The following AFDN variants were observed in gnomAD, a reference collection of about 807,000 sequenced individuals.
AFDN encodes the protein afadin.
Under a neutral mutation model 216.6 loss-of-function variants are expected in AFDN, and 68 were observed. The ratio of observed to expected loss-of-function variants is 0.31; its 90% confidence interval spans 0.26 to 0.38. The LOEUF is 0.38. Ranked by LOEUF, AFDN falls within the 10% of genes least tolerant of loss-of-function variation. AFDN has a pLI of 1.00. For synonymous variants in AFDN, 868 were observed against 853.7 expected (o/e 1.02, Z -0.29); for missense variants, 2,136 against 2,342.0 (o/e 0.91, Z 1.82).
upstream of AFDN, chr6:167,826,670 G>A (rs1339808867): frequency 4.2e-6 from 2 of 470,644 alleles, no homozygotes; most frequent in African/African-American, 3.9e-5. Context: ...ACCGCTGGTC[G>A]GGAAGGAACC....
intron 1 of AFDN, among the ~76,000 whole-genome samples, chr6:167,860,303 A>G (rs958029063): frequency 1.3e-5 from 2 of 151,400 alleles, no homozygotes; most frequent in Admixed American, 1.3e-4. Context: ...GCTTTCCAGC[A>G]TTCTTATCAA....
rs1355329135 is a variant in AFDN at position 167,965,364 on chromosome 6, C to T, written c.4969-393C>T. On this transcript the variant is annotated intron_variant, in intron 31 of 33. Transcript: ENST00000683244. ...TTTAGTTTTGCATTATCTTTAAACACAGCAGTAACAGGTAAGTTAATATCC... is the reference window on the plus strand; with the variant it reads ...TTTAGTTTTGCATTATCTTTAAACATAGCAGTAACAGGTAAGTTAATATCC... Among the ~76,000 whole-genome samples, 33 of 152,086 alleles carry T rather than the reference C, an allele frequency of 2.2e-4. 1 individual carries two copies.
chr6:167,836,370 C>T (rs1780434799), intron 1 of AFDN, among the ~76,000 whole-genome samples: 1 of 152,218 alleles, frequency 6.6e-6, no homozygotes, highest in South Asian at 2.1e-4. Flanking sequence ...GTTAGCCAAC[C>T]ATCGGCTGTG....
At chr6:167,866,070 T>G (rs112777056) in intron 2 of AFDN, among the ~76,000 whole-genome samples, 8,493 of 152,294 alleles carry the variant, frequency 0.056, 791 homozygotes, top group African/African-American at 0.19. Context: ...CCTTAGAATT[T>G]TTGTAAATAG....
intron 30 of AFDN, among the ~76,000 whole-genome samples, chr6:167,952,711 C>T (rs904955653): frequency 2.0e-5 from 3 of 152,090 alleles, no homozygotes; most frequent in African/African-American, 7.2e-5. Flanking sequence ...ACTGTCTGGC[C>T]CCTGGTCTTG....
intron 21 of AFDN, 99 bp downstream of exon 21, chr6:167,919,032 T>C: frequency 4.2e-6 from 4 of 959,788 alleles, no homozygotes; most frequent in Non-Finnish European, 4.8e-6. Flanking sequence ...TGTGTGGGAG[T>C]GCACCCTCGT....
At chr6:167,937,365 A>C (rs1197541712) in intron 23 of AFDN, among the ~76,000 whole-genome samples, 1 of 152,156 alleles carries the variant, frequency 6.6e-6, no homozygotes, top group Non-Finnish European at 1.5e-5. Context: ...TAGACCTTTT[A>C]GATTTTAATG....
In AFDN at chr6:167,911,394, A is replaced by G. The variant is rs758158796; in HGVS notation, c.1942A>G (p.Asn648Asp). The change falls in exon 15 of 34, where the codon AAC becomes GAC. Residue 648 changes from asparagine (N) to aspartate (D), a missense_variant. This residue lies in a region of AFDN where 817 missense variants were observed against 965.7 expected (regional missense o/e 0.85). Transcript: ENST00000683244. ...LYMACRYVLS[N>D]QYRPDISPTE... Reference sequence around the variant, plus strand: ...TATGGCATGCCGGTATGTATTGTCCAACCAGTACAGACCTGACATCAGCCC... The same window carrying G: ...TATGGCATGCCGGTATGTATTGTCCGACCAGTACAGACCTGACATCAGCCC... 10 of 1,613,970 alleles carry G rather than the reference A, an allele frequency of 6.2e-6. No homozygotes were observed. In the African/African-American group the frequency reaches 1.3e-4, roughly 22 times the overall value.
At chr6:167,851,133 A>G (rs972076217) in intron 1 of AFDN, among the ~76,000 whole-genome samples, 1 of 152,152 alleles carries the variant, frequency 6.6e-6, no homozygotes, top group Non-Finnish European at 1.5e-5. Context: ...TTTTTTCTAC[A>G]AAGTTTGATG....
intron 11 of AFDN, among the ~76,000 whole-genome samples, chr6:167,899,933 G>A (rs1788736399): frequency 6.6e-6 from 1 of 152,070 alleles, no homozygotes; most frequent in African/African-American, 2.4e-5. Context: ...TCTGCCCTTC[G>A]GTTTTGCTTG....
intron 23 of AFDN, among the ~76,000 whole-genome samples, chr6:167,934,720 G>C (rs1240749664): frequency 6.6e-6 from 1 of 151,368 alleles, no homozygotes; most frequent in Non-Finnish European, 1.5e-5. Flanking sequence ...TTTTTGGATT[G>C]TGTTTTAATG....
rs138793625 is a variant in AFDN at position 167,932,860 on chromosome 6, A to G, written c.3099+7769A>G. The G allele has an allele frequency of 5.3e-5, 8 of 150,580 alleles. No homozygotes were observed. The East Asian group carries it at 9.6e-4, about 18-fold the overall frequency. The allele number at this position is 150,580 out of a possible 1,614,324, so 9.3% of individuals were successfully genotyped here. On this transcript the variant is annotated intron_variant, in intron 23 of 33. Coordinates refer to ENST00000683244, the MANE Select transcript of AFDN (RefSeq NM_001386888.1). ...TGTAACTTGTTTAAACCTGTCAATA[A>G]TTAACTTGCTCATGAAGCAACAACC...
intron 1 of AFDN, among the ~76,000 whole-genome samples, chr6:167,841,033 TGAACTAAG>T (rs1781014200): frequency 6.6e-6 from 1 of 152,170 alleles, no homozygotes; most frequent in African/African-American, 2.4e-5. Flanking sequence ...GATAAAGGCC[TGAACTAAG>T]GTAACAGGGA....
chr6:167,881,174 CCT>C (rs1482605450), intron 6 of AFDN, among the ~76,000 whole-genome samples: 1 of 152,030 alleles, frequency 6.6e-6, no homozygotes, highest in Non-Finnish European at 1.5e-5. Context: ...AGGTCTTGTG[CCT>C]CTCTTGTTAG....
rs369428618 is a variant in AFDN, at chr6:167,948,376, C to T, written c.3729C>T (p.Ser1243=). 3.1e-6 allele frequency: 5 copies of T among 1,613,992 alleles called. No homozygotes were observed. The African/African-American group carries it at 6.7e-5, about 22-fold the overall frequency. Residue 1243 remains serine (S), a synonymous_variant, in exon 29 of 34, where the codon TCC becomes TCT. Coordinates refer to ENST00000683244, the MANE Select transcript of AFDN (RefSeq NM_001386888.1). ...GAGAGTATTTTACCTTCCCAGCTTC[C>T]AAATCCCAGGATCGGATGGCTCCTC... ...YTREYFTFPA[S]KSQDRMAPPQ...
At chr6:167,848,386 G>A (rs950232351) in intron 1 of AFDN, among the ~76,000 whole-genome samples, 1 of 152,066 alleles carries the variant, frequency 6.6e-6, no homozygotes, top group South Asian at 2.1e-4. Context: ...CTCCCTTTCT[G>A]CCTCCCCCAA....
chr6:167,916,466 A>T (rs1157989673), intron 19 of AFDN, among the ~76,000 whole-genome samples: 1 of 152,200 alleles, frequency 6.6e-6, no homozygotes, highest in South Asian at 2.1e-4. Flanking sequence ...ATTTCAGAAC[A>T]CTTTACAGTG....
At chr6:167,931,082 G>A (rs1327397722) in intron 23 of AFDN, among the ~76,000 whole-genome samples, 3 of 152,156 alleles carry the variant, frequency 2.0e-5, no homozygotes, top group Admixed American at 1.3e-4. Flanking sequence ...CCGTGAAGGC[G>A]GGCATCTTCT....
intron 12 of AFDN, among the ~76,000 whole-genome samples, chr6:167,906,712 G>C (rs758811389): frequency 6.6e-6 from 1 of 152,162 alleles, no homozygotes; most frequent in Non-Finnish European, 1.5e-5. Flanking sequence ...GCCAGTTTCT[G>C]TACTGAATTC....
Sources: gnomAD v4.1 joint callset for allele counts (sites outside exome capture counted in the v4.1 genomes callset) on GRCh38, gnomAD v4.1.1 for gene constraint, gnomAD v4.1.1 regional missense constraint, MANE v1.5 for transcripts, NCBI Gene and HGNC (gene_info 2026-07-23, HGNC 2026-07-21) for gene names.